Variants in TMEM132D observed in about 807,000 individuals in gnomAD.
The protein encoded by TMEM132D is mature OL transmembrane protein.
In TMEM132D, 21 loss-of-function variants were observed where a neutral mutation model predicts 62.3. The observed-to-expected ratio is 0.34, with a 90% CI of 0.24 to 0.49. TMEM132D has a LOEUF of 0.49. Among genes scored for constraint, TMEM132D ranks in the 20% least tolerant of loss-of-function variants. TMEM132D has a pLI of 0.99. For missense variants in TMEM132D, 1,346 were observed against 1,402.8 expected, an observed-to-expected ratio of 0.96 and a Z score of 0.65; for synonymous variants, 621 against 575.6, an observed-to-expected ratio of 1.08 and a Z score of -1.13.
Position 129,675,052 on chromosome 12 carries a change from T to A in TMEM132D, c.968+24758A>T, listed in dbSNP as rs1189922259. Among the ~76,000 whole-genome samples, 3 of 152,144 alleles carry A rather than the reference T, an allele frequency of 2.0e-5. No individual in the cohort carries two copies. In the East Asian group the frequency reaches 5.8e-4, roughly 29 times the overall value. ...TAATATGATTGTCTTTAGAGCCAAA[T>A]AAGCTTTACTACCAGTAAGGAGTAA... On this transcript the variant is annotated intron_variant, in intron 2 of 8. Coordinates refer to ENST00000422113, the MANE Select transcript of TMEM132D (RefSeq NM_133448.3).
chr12:129,163,828 C>G, intron 5 of TMEM132D, among the ~76,000 whole-genome samples: 1 of 152,324 alleles, frequency 6.6e-6, no homozygotes, highest in East Asian at 1.9e-4. Flanking sequence ...ACTGATACAG[C>G]GATAATTGGC....
chr12:129,567,255 T>A (rs189408424), intron 2 of TMEM132D, among the ~76,000 whole-genome samples: 24 of 152,334 alleles, frequency 1.6e-4, no homozygotes, highest in Admixed American at 1.4e-3. Flanking sequence ...GGGTCAACAT[T>A]TGGAAGTGCA....
At chr12:129,824,812 T>C (rs1282630276) in intron 1 of TMEM132D, among the ~76,000 whole-genome samples, 3 of 152,138 alleles carry the variant, frequency 2.0e-5, no homozygotes, top group African/African-American at 7.2e-5. Context: ...CATTTGAAGG[T>C]CCGGATGGGT....
intron 2 of TMEM132D, among the ~76,000 whole-genome samples, chr12:129,699,103 A>G (rs977228294): frequency 3.3e-5 from 5 of 152,224 alleles, no homozygotes; most frequent in Admixed American, 6.5e-5. Context: ...CTAAAACTAT[A>G]TAATGAAAAT....
chr12:129,758,806 A>G (rs1870254439), intron 1 of TMEM132D, among the ~76,000 whole-genome samples: 1 of 152,230 alleles, frequency 6.6e-6, no homozygotes, highest in South Asian at 2.1e-4. Flanking sequence ...TTGGAAGCTC[A>G]GAGAAATACT....
At chr12:129,878,356 G>A (rs1874494354) in intron 1 of TMEM132D, among the ~76,000 whole-genome samples, 1 of 152,188 alleles carries the variant, frequency 6.6e-6, no homozygotes, top group African/African-American at 2.4e-5. Context: ...ATAGTATGGT[G>A]ATCGGGAGGT....
chr12:129,581,935 T>C (rs1158777984), intron 2 of TMEM132D, among the ~76,000 whole-genome samples: 1 of 152,214 alleles, frequency 6.6e-6, no homozygotes, highest in Non-Finnish European at 1.5e-5. Context: ...AGACTTCGTT[T>C]GAACATGATT....
intron 1 of TMEM132D, among the ~76,000 whole-genome samples, chr12:129,795,645 G>A (rs557683380): frequency 7.2e-5 from 11 of 152,260 alleles, no homozygotes; most frequent in African/African-American, 2.6e-4. Context: ...TGTGGGGAAA[G>A]TGTCAGTCTA....
intron 5 of TMEM132D, among the ~76,000 whole-genome samples, chr12:129,104,282 G>A (rs1407354405): frequency 6.6e-6 from 1 of 151,520 alleles, no homozygotes; most frequent in Non-Finnish European, 1.5e-5. Context: ...ACAAAAACAA[G>A]CAATGGGGAA....
chr12:129,383,167 A>G (rs1045414085), intron 3 of TMEM132D, among the ~76,000 whole-genome samples: 6 of 152,174 alleles, frequency 3.9e-5, no homozygotes, highest in Non-Finnish European at 5.9e-5. Context: ...TGCACCATCA[A>G]CGGAAGATGT....
At chr12:129,124,053 C>T (rs1338314359) in intron 5 of TMEM132D, among the ~76,000 whole-genome samples, 1 of 152,182 alleles carries the variant, frequency 6.6e-6, no homozygotes, top group Non-Finnish European at 1.5e-5. Context: ...TATCTATGTG[C>T]AGCCGACTGG....
chr12:129,079,682 T>C (rs906706445), intron 7 of TMEM132D, among the ~76,000 whole-genome samples: 1 of 152,156 alleles, frequency 6.6e-6, no homozygotes, highest in East Asian at 1.9e-4. Context: ...CCAGGACCCT[T>C]TGAGACCAGG....
chr12:129,466,462 G>C (rs973856115), intron 3 of TMEM132D, among the ~76,000 whole-genome samples: 2 of 151,958 alleles, frequency 1.3e-5, no homozygotes, highest in Non-Finnish European at 2.9e-5. Context: ...TGGGGCCACA[G>C]GCACGCACTA....
At position 129,321,671 on chromosome 12, in the gene TMEM132D, T is replaced by C. The variant is rs541973091; in HGVS notation, c.1299+15963A>G. 1.4e-3 allele frequency among the ~76,000 whole-genome samples: 206 copies of C among 152,246 alleles called. 2 individuals are homozygous for C. Among genetic ancestry groups the C allele is most frequent in the South Asian group, 5.8e-3 (28 of 4,824 alleles). ...TCCCAGGTTCACGCCATTCTCCTGCTTCAGCCTCCCCCGACTAGCTGGGAC... is the reference window on the plus strand; with the variant it reads ...TCCCAGGTTCACGCCATTCTCCTGCCTCAGCCTCCCCCGACTAGCTGGGAC... On this transcript the variant is annotated intron_variant, in intron 4 of 8. Transcript: ENST00000422113.
intron 4 of TMEM132D, among the ~76,000 whole-genome samples, chr12:129,264,032 T>G (rs1328953620): frequency 6.6e-6 from 1 of 152,042 alleles, no homozygotes; most frequent in Non-Finnish European, 1.5e-5. Flanking sequence ...CTTGACTGAG[T>G]GCTTTCTTCA....
intron 2 of TMEM132D, among the ~76,000 whole-genome samples, chr12:129,679,574 GC>G (rs1464694653): frequency 6.6e-6 from 1 of 151,380 alleles, no homozygotes; most frequent in African/African-American, 2.4e-5. Flanking sequence ...TAATCCCTTT[GC>G]CTTTTTGCTT....
chr12:129,073,803 G>A lies in TMEM132D; in HGVS notation c.*72C>T, dbSNP rs1446395914. 7.6e-7 allele frequency: 1 copy of A among 1,317,146 alleles called. No homozygotes were observed. The highest frequency in any genetic ancestry group is 1.0e-6 in the Non-Finnish European group (1 of 955,236). 81.6% of individuals were successfully genotyped at this position (1,317,146 alleles called of 1,614,324 possible). ...CCTGCTGCTTTGTTTCTCTTCCGGG[G>A]GCACCGTTGCTACACATCCTGGAAT... is the stretch of plus-strand genomic sequence containing the variant. On this transcript the variant is annotated 3_prime_UTR_variant, in exon 9 of 9. Coordinates refer to ENST00000422113, the MANE Select transcript of TMEM132D (RefSeq NM_133448.3).
intron 2 of TMEM132D, among the ~76,000 whole-genome samples, chr12:129,691,464 A>T (rs537523931): frequency 9.9e-5 from 15 of 152,208 alleles, no homozygotes; most frequent in African/African-American, 3.6e-4. Context: ...AGGGAAGACA[A>T]AAATTACCAA....
chr12:129,628,813 T>C lies in TMEM132D; in HGVS notation c.968+70997A>G, dbSNP rs113166041. Among the ~76,000 whole-genome samples, 261 of 152,204 alleles carry C rather than the reference T, an allele frequency of 1.7e-3. 2 individuals are homozygous for C. Among genetic ancestry groups the C allele is most frequent in the African/African-American group, 6.0e-3 (251 of 41,538 alleles). On this transcript the variant is annotated intron_variant, in intron 2 of 8. Transcript: ENST00000422113. ...TGCTGCTTTTAGAATAAAGCCAGAATCCCTTACCATGTGGCTTGGCTTCCA... is the reference window on the plus strand; with the variant it reads ...TGCTGCTTTTAGAATAAAGCCAGAACCCCTTACCATGTGGCTTGGCTTCCA...
Sources: gnomAD v4.1 joint callset for allele counts (sites outside exome capture counted in the v4.1 genomes callset) on GRCh38, gnomAD v4.1.1 for gene constraint, MANE v1.5 for transcripts, NCBI Gene and HGNC (gene_info 2026-07-23, HGNC 2026-07-21) for gene names.